Variants in CFAP107 observed in about 807,000 individuals in gnomAD.
CFAP107 encodes the protein cilia- and flagella-associated protein 107.
chr1:12,760,681 C>T, the CFAP107 span: 15 of 1,337,342 alleles, frequency 1.1e-5, no homozygotes, highest in Admixed American at 2.1e-5. Flanking sequence ...TCTCCAGGGC[C>T]CCTGCTGCCC....
chr1:12,760,897 G>T, the CFAP107 span: 1 of 1,613,560 alleles, frequency 6.2e-7, no homozygotes, highest in Non-Finnish European at 8.5e-7. Context: ...TGTCCTGGAG[G>T]GAGCATGCGG....
chr1:12,759,703 C>T, the CFAP107 span: 11 of 634,214 alleles, frequency 1.7e-5, no homozygotes, highest in South Asian at 3.5e-5. Flanking sequence ...GTAATGAAGC[C>T]ATCACCTGTG....
chr1:12,757,290 C>A, the CFAP107 span, among the ~76,000 whole-genome samples: 1 of 152,184 alleles, frequency 6.6e-6, no homozygotes, highest in South Asian at 2.1e-4. Context: ...GCATTGTCAT[C>A]TCCAACAGAA....
chr1:12,750,365 T>C, the CFAP107 span, among the ~76,000 whole-genome samples: 1 of 151,978 alleles, frequency 6.6e-6, no homozygotes, highest in East Asian at 1.9e-4. Flanking sequence ...AAATGGCAAA[T>C]ATAAGTCCTT....
At chr1:12,750,098 C>T in the CFAP107 span, among the ~76,000 whole-genome samples, 1 of 152,110 alleles carries the variant, frequency 6.6e-6, no homozygotes, top group South Asian at 2.1e-4. Flanking sequence ...TAACATAAAG[C>T]AGAGGGAGGC....
At chr1:12,755,617 G>C in the CFAP107 span, 1 of 896,704 alleles carries the variant, frequency 1.1e-6, no homozygotes, top group Non-Finnish European at 1.9e-6. Context: ...CCCATCTTCT[G>C]ATGGCCCAGG....
At chr1:12,752,466 T>C in the CFAP107 span, among the ~76,000 whole-genome samples, 2,056 of 145,074 alleles carry the variant, frequency 0.014, 42 homozygotes, top group African/African-American at 0.049. Context: ...GTGCCTGTAG[T>C]CCCAGCTTGA....
At chr1:12,763,515 G>T in the CFAP107 span, 2 of 152,138 alleles carry the variant, frequency 1.3e-5, no homozygotes, top group East Asian at 1.9e-4. Context: ...GGGCCATGGG[G>T]GCAACACGTT....
chr1:12,748,503 T>A, the CFAP107 span, among the ~76,000 whole-genome samples: 1 of 146,642 alleles, frequency 6.8e-6, no homozygotes, highest in African/African-American at 2.5e-5. Flanking sequence ...CCAGGCAAGA[T>A]GTACACCAGA....
chr1:12,746,534 G>A, the CFAP107 span: 14 of 1,610,664 alleles, frequency 8.7e-6, no homozygotes, highest in Admixed American at 1.8e-4. Context: ...ATGGAAGAGA[G>A]GAGAAAGGTA....
the CFAP107 span, among the ~76,000 whole-genome samples, chr1:12,760,005 T>C: frequency 1.3e-5 from 2 of 152,098 alleles, no homozygotes; most frequent in African/African-American, 4.8e-5. Flanking sequence ...GGTGAATTTG[T>C]GAACCTCCTT....
chr1:12,758,331 CT>C, the CFAP107 span, among the ~76,000 whole-genome samples: 2 of 152,330 alleles, frequency 1.3e-5, no homozygotes, highest in Admixed American at 1.3e-4. Flanking sequence ...AAGAAAATTC[CT>C]CCTGGCCTCT....
chr1:12,749,205 A>G, the CFAP107 span, among the ~76,000 whole-genome samples: 19 of 152,364 alleles, frequency 1.2e-4, no homozygotes, highest in African/African-American at 4.6e-4. Flanking sequence ...AAATCTAAAG[A>G]GACCCTCATT....
At chr1:12,759,718 A>T in the CFAP107 span, 3 of 597,332 alleles carry the variant, frequency 5.0e-6, no homozygotes, top group East Asian at 3.0e-5. Context: ...CCTGTGCCCC[A>T]TGGTGGCGGG....
the CFAP107 span, among the ~76,000 whole-genome samples, chr1:12,758,048 A>G: frequency 6.6e-6 from 1 of 152,116 alleles, no homozygotes; most frequent in African/African-American, 2.4e-5. Flanking sequence ...AAACTTGTCC[A>G]CCGTGCCTCG....
chr1:12,760,415 C>G, the CFAP107 span, among the ~76,000 whole-genome samples: 1 of 152,214 alleles, frequency 6.6e-6, no homozygotes, highest in South Asian at 2.1e-4. Context: ...GGATTCTTCT[C>G]AACATCACTC....
chr1:12,746,594 G>A, the CFAP107 span: 6 of 1,311,162 alleles, frequency 4.6e-6, no homozygotes, highest in South Asian at 5.9e-5. Flanking sequence ...GATGGGGAGA[G>A]GCAGGAGTGA....
the CFAP107 span, among the ~76,000 whole-genome samples, chr1:12,757,512 A>G: frequency 2.0e-5 from 3 of 151,642 alleles, no homozygotes; most frequent in Non-Finnish European, 4.4e-5. Context: ...CCTTCCAAGT[A>G]GCTGGGATTA....
chr1:12,762,393 C>A, the CFAP107 span: 2 of 146,636 alleles, frequency 1.4e-5, no homozygotes, highest in African/African-American at 5.1e-5. Context: ...GTCACTTTGG[C>A]ACCTACTAAG....
Sources: gnomAD v4.1 joint callset for allele counts (sites outside exome capture counted in the v4.1 genomes callset) on GRCh38, gnomAD v4.1.1 for gene constraint, MANE v1.5 for transcripts, NCBI Gene and HGNC (gene_info 2026-07-23, HGNC 2026-07-21) for gene names.